Variants in BTNL3 observed in about 807,000 individuals in gnomAD.
BTNL3 encodes the protein butyrophilin-like protein 3.
BTNL3 carries 20 observed loss-of-function variants against 40.1 expected under a neutral mutation model. That is an observed-to-expected ratio of 0.50 (90% CI 0.35 to 0.72). The LOEUF (loss-of-function observed/expected upper bound fraction) is 0.72, where lower values mean the gene tolerates loss of function less well. Among genes scored for constraint, BTNL3 ranks in the 30% least tolerant of loss-of-function variants. The pLI is 0.01. For missense variants in BTNL3, 449 were observed against 582.2 expected (o/e 0.77, Z 2.35); for synonymous variants, 179 against 222.1 (o/e 0.81, Z 1.73).
intron 3 of BTNL3, among the ~76,000 whole-genome samples, chr5:180,999,148 C>A (rs1760073639): frequency 7.4e-6 from 1 of 135,364 alleles, no homozygotes; most frequent in Non-Finnish European, 1.7e-5. Flanking sequence ...TATATATATC[C>A]TTTAATGCTT....
chr5:181,000,839 AT>A (rs1164559004), intron 3 of BTNL3, among the ~76,000 whole-genome samples: 2 of 135,936 alleles, frequency 1.5e-5, no homozygotes, highest in African/African-American at 2.5e-5. Context: ...AAATAAAAAA[AT>A]AAAATAAAAT....
At position 180,994,791 on chromosome 5, in the gene BTNL3, T is replaced by G. The variant is rs535774792; in HGVS notation, c.397+1631T>G. ...ATCCTGGAGTTCAATAATTTTTTTTTTTTTTTTATGAGATGGAGTCTCGCT... is the reference window on the plus strand; with the variant it reads ...ATCCTGGAGTTCAATAATTTTTTTTGTTTTTTTATGAGATGGAGTCTCGCT... On this transcript the variant is annotated intron_variant, in intron 2 of 7. Coordinates refer to ENST00000342868, the MANE Select transcript of BTNL3 (RefSeq NM_197975.3). 3.7e-5 allele frequency among the ~76,000 whole-genome samples: 5 copies of G among 134,166 alleles called. 1 individual carries two copies. The South Asian group carries it at 1.1e-3, about 30-fold the overall frequency. 88.0% of individuals were successfully genotyped at this position (134,166 alleles called of 152,430 possible).
intron 4 of BTNL3, 58 bp from the exon 5 acceptor site, chr5:181,003,798 C>T (rs953468578): frequency 1.7e-4 from 269 of 1,613,964 alleles, no homozygotes; most frequent in Admixed American, 2.2e-4. Context: ...GAGCCAGCGT[C>T]GTGTTTGTAC....
At chr5:181,004,135 G>T (rs564185009) in intron 5 of BTNL3, among the ~76,000 whole-genome samples, 1 of 151,998 alleles carries the variant, frequency 6.6e-6, no homozygotes, top group African/African-American at 2.4e-5. Flanking sequence ...TGTGTGTGGT[G>T]GGGGGAGGTG....
intron 3 of BTNL3, among the ~76,000 whole-genome samples, chr5:181,000,710 G>A (rs1760096145): frequency 7.5e-6 from 1 of 133,184 alleles, no homozygotes; most frequent in Admixed American, 8.0e-5. Context: ...GGAGGCTGAG[G>A]CAGGAGAATG....
At chr5:181,005,089 C>G (rs1469848038) in intron 7 of BTNL3, among the ~76,000 whole-genome samples, 1 of 152,054 alleles carries the variant, frequency 6.6e-6, no homozygotes, top group African/African-American at 2.4e-5. Context: ...CAAGGTCTCA[C>G]AAAGTCAAAT....
rs1432918799 is a variant in BTNL3 at position 181,006,579 on chromosome 5, A to G, written c.*707A>G. On this transcript the variant is annotated 3_prime_UTR_variant, in exon 8 of 8. Transcript: ENST00000342868. ...TAACACAGACACAAAAATTCTAAAT[A>G]AAATTTTAACAAATTAAACTAAACA... is the stretch of plus-strand genomic sequence containing the variant. 6.6e-6 allele frequency: 1 copy of G among 152,248 alleles called. No homozygotes were observed. The highest frequency in any genetic ancestry group is 1.5e-5 in the Non-Finnish European group (1 of 68,044). 9.4% of individuals were successfully genotyped at this position (152,248 alleles called of 1,614,324 possible).
In BTNL3 at chr5:181,006,151, T is replaced by A; in HGVS notation, c.*279T>A. ...GAATAGACTCACATTAGGTTTAGTT[T>A]GTGAAAACTCCATCCAGCTAAGCGA... On this transcript the variant is annotated 3_prime_UTR_variant, in exon 8 of 8. Transcript: ENST00000342868. The A allele has an allele frequency of 2.3e-6, 1 of 438,712 alleles. No individual in the cohort carries two copies. The highest frequency in any genetic ancestry group is 4.0e-6 in the Non-Finnish European group (1 of 251,032). The allele number at this position is 438,712 out of a possible 1,614,324, so 27.2% of individuals were successfully genotyped here.
At chr5:180,990,596 C>A (rs1241461882) in intron 1 of BTNL3, among the ~76,000 whole-genome samples, 1 of 137,696 alleles carries the variant, frequency 7.3e-6, no homozygotes, top group Non-Finnish European at 1.7e-5. Context: ...CAAATGACAG[C>A]AGCAAGGCTG....
At position 181,000,633 on chromosome 5, in the gene BTNL3, C is replaced by T. The variant is rs1457534837; in HGVS notation, c.674-2039C>T. Among the ~76,000 whole-genome samples, 6 of 130,296 alleles carry T rather than the reference C, an allele frequency of 4.6e-5. 1 individual carries two copies. Among genetic ancestry groups the T allele is most frequent in the Non-Finnish European group, 8.7e-5 (5 of 57,274 alleles). 85.5% of individuals were successfully genotyped at this position (130,296 alleles called of 152,430 possible). A position where few individuals can be genotyped will look rare whatever the true frequency, so the allele number is the denominator to read the frequency against. On this transcript the variant is annotated intron_variant, in intron 3 of 7. Coordinates refer to ENST00000342868, the MANE Select transcript of BTNL3 (RefSeq NM_197975.3). ...CATCCTGGCTAACAAGGTGAAACCCCGTCTCTACTAAAAATACAAAAAATT... is the reference window on the plus strand; with the variant it reads ...CATCCTGGCTAACAAGGTGAAACCCTGTCTCTACTAAAAATACAAAAAATT...
chr5:180,993,220 T>TA (rs1473803919), intron 2 of BTNL3, 60 bp downstream of exon 2: 1 of 1,377,108 alleles, frequency 7.3e-7, no homozygotes, highest in African/African-American at 1.4e-5. Context: ...TATCAGCTCT[T>TA]AAAAGTATTT....
rs73355225 is a variant in BTNL3 at position 181,003,177 on chromosome 5, G to A, written c.787+392G>A. The stretch of plus-strand genomic sequence containing the variant: ...GTAAGACCATCCTGGGCAACATGGC[G>A]AGAACTCCTCTCTACAAAAAATTTT... On this transcript the variant is annotated intron_variant, in intron 4 of 7. Coordinates refer to ENST00000342868, the MANE Select transcript of BTNL3 (RefSeq NM_197975.3). Among the ~76,000 whole-genome samples, 1,107 of 134,766 alleles carry A rather than the reference G, an allele frequency of 8.2e-3. 112 individuals carry two copies. The highest frequency in any genetic ancestry group is 0.025 in the African/African-American group (998 of 39,256). 88.4% of individuals were successfully genotyped at this position (134,766 alleles called of 152,430 possible).
chr5:181,003,873 C>G lies in BTNL3; in HGVS notation c.805C>G (p.Leu269Val). 6.2e-7 allele frequency: 1 copy of G among 1,613,796 alleles called. No homozygotes were observed. The highest frequency in any genetic ancestry group is 8.5e-7 in the Non-Finnish European group (1 of 1,180,014). ...TGTTTCAGGGAAAATCCAGGCGGAACTGGGTATGTGTCATGTCCTGAGCCT... is the reference window on the plus strand; with the variant it reads ...TGTTTCAGGGAAAATCCAGGCGGAAGTGGGTATGTGTCATGTCCTGAGCCT... Reference protein sequence around the residue: ...FKSKGKIQAELDWRRKHGQAE... With the variant: ...FKSKGKIQAEVDWRRKHGQAE... The change falls in exon 5 of 8, where the codon CTG (leucine) becomes GTG (valine). Residue 269 changes from leucine (L) to valine (V), a missense_variant. By Grantham distance (32) the Leu-to-Val change is conservative. Around this residue, in one of 2 missense-constraint regions of BTNL3, gnomAD observed 323 missense variants for 464.9 expected, o/e 0.69. Coordinates refer to ENST00000342868, the MANE Select transcript of BTNL3 (RefSeq NM_197975.3).
intron 1 of BTNL3, among the ~76,000 whole-genome samples, chr5:180,991,205 C>G (rs1052412909): frequency 1.5e-5 from 2 of 137,232 alleles, no homozygotes; most frequent in African/African-American, 5.0e-5. Context: ...CAAAGTCACG[C>G]CTCACTTAAT....
chr5:181,004,068 C>T, intron 5 of BTNL3, 192 bp downstream of exon 5: 1 of 1,502,554 alleles, frequency 6.7e-7, no homozygotes, highest in Non-Finnish European at 9.0e-7. Flanking sequence ...TTAGGATAGG[C>T]CCCGGGGCCT....
chr5:180,991,703 A>G (rs568474016), intron 1 of BTNL3, among the ~76,000 whole-genome samples: 1 of 137,172 alleles, frequency 7.3e-6, no homozygotes, highest in South Asian at 2.2e-4. Context: ...TGAAGCTAAA[A>G]GTCGTGCAGG....
Position 180,992,724 on chromosome 5 carries a change from C to T in BTNL3, c.50-89C>T, listed in dbSNP as rs113462603. On this transcript the variant is annotated intron_variant, in intron 1 of 7. Transcript: ENST00000342868. ...AGAAAGAAGACTGATGGATCCCCCA[C>T]CCCATACCCCACACTTCTCCACCCA... 5.4e-4 allele frequency: 738 copies of T among 1,375,270 alleles called. 92 individuals are homozygous for T. In the African/African-American group the frequency reaches 7.6e-3, roughly 14 times the overall value. The allele number at this position is 1,375,270 out of a possible 1,614,324, so 85.2% of individuals were successfully genotyped here. A position where few individuals can be genotyped will look rare whatever the true frequency, so the allele number is the denominator to read the frequency against.
Position 180,997,341 on chromosome 5 carries a change from T to C in BTNL3, c.526T>C (p.Ser176Pro). Residue 176 changes from serine to proline, a missense_variant, in exon 3 of 8, where the codon TCT becomes CCT. This residue lies in a region of BTNL3 where 323 missense variants were observed against 464.9 expected (regional missense o/e 0.69). Coordinates refer to ENST00000342868, the MANE Select transcript of BTNL3 (RefSeq NM_197975.3). ...GAAAGGTCCACAAGGACAGGATTTG[T>C]CTTCAGACTCCAGAGCAAATGCAGA... ...KWKGPQGQDL[S>P]SDSRANADGY... 10 of 1,464,656 alleles carry C rather than the reference T, an allele frequency of 6.8e-6. 1 individual carries two copies. The highest frequency in any genetic ancestry group is 8.5e-6 in the Non-Finnish European group (9 of 1,059,436). The allele number at this position is 1,464,656 out of a possible 1,614,324, so 90.7% of individuals were successfully genotyped here.
intron 1 of BTNL3, among the ~76,000 whole-genome samples, chr5:180,989,629 C>T (rs528159134): frequency 7.4e-6 from 1 of 135,956 alleles, no homozygotes; most frequent in South Asian, 2.2e-4. Flanking sequence ...CTTCTTTCTC[C>T]TTCTAGTAAC....
Sources: gnomAD v4.1 joint callset for allele counts (sites outside exome capture counted in the v4.1 genomes callset) on GRCh38, gnomAD v4.1.1 for gene constraint, gnomAD v4.1.1 regional missense constraint, MANE v1.5 for transcripts, NCBI Gene and HGNC (gene_info 2026-07-23, HGNC 2026-07-21) for gene names.